Variants in FRMD4B observed in about 807,000 individuals in gnomAD.
The protein encoded by FRMD4B is FERM domain-containing protein 4B.
A neutral mutation model predicts 141.5 loss-of-function variants in FRMD4B; 74 were observed. That is an observed-to-expected ratio of 0.52 (90% confidence interval 0.43 to 0.63). The LOEUF is 0.63. FRMD4B is among the 30% of genes least tolerant of loss of function. FRMD4B has a pLI of 0.00. For synonymous variants in FRMD4B, 506 were observed against 467.9 expected, an observed-to-expected ratio of 1.08 and a Z score of -1.05; for missense variants, 1,366 against 1,253.4, an observed-to-expected ratio of 1.09 and a Z score of -1.36.
At chr3:69,393,329 CAAA>C (rs3032132) in intron 2 of FRMD4B, among the ~76,000 whole-genome samples, 3 of 126,182 alleles carry the variant, frequency 2.4e-5, no homozygotes, top group Admixed American at 8.1e-5. Flanking sequence ...TGAAGAAGTA[CAAA>C]AAAAAAAAAA....
chr3:69,478,507 G>C lies in FRMD4B; in HGVS notation c.-128-45746C>G, dbSNP rs567458656. 2.0e-5 allele frequency among the ~76,000 whole-genome samples: 3 copies of C among 152,294 alleles called. No individual in the cohort carries two copies. In the South Asian group the frequency reaches 6.2e-4, roughly 32 times the overall value. On this transcript the variant is annotated intron_variant, in intron 1 of 5. Transcript: ENST00000459638. ...CAGGTTGTTCAGTTTCCATGTAGTTGAGCGGTTTTGAGTGAGTTTCTTAAT... is the reference window on the plus strand; with the variant it reads ...CAGGTTGTTCAGTTTCCATGTAGTTCAGCGGTTTTGAGTGAGTTTCTTAAT...
At chr3:69,380,495 T>C (rs1228310921) in intron 1 of FRMD4B, among the ~76,000 whole-genome samples, 1 of 152,192 alleles carries the variant, frequency 6.6e-6, no homozygotes, top group African/African-American at 2.4e-5. Context: ...CCAGGAACAG[T>C]GCTAAGTGAT....
chr3:69,348,703 C>A (rs1309860767), intron 1 of FRMD4B, among the ~76,000 whole-genome samples: 1 of 152,166 alleles, frequency 6.6e-6, no homozygotes, highest in Non-Finnish European at 1.5e-5. Flanking sequence ...TAAATGTAAT[C>A]CAGCATATAA....
At chr3:69,472,301 C>CTT in intron 1 of FRMD4B, 2 of 416,558 alleles carry the variant, frequency 4.8e-6, no homozygotes, top group South Asian at 2.0e-5. Context: ...TTCTCTGCAA[C>CTT]TTTTTTTTTC....
intron 1 of FRMD4B, among the ~76,000 whole-genome samples, chr3:69,327,406 G>A (rs1702221464): frequency 6.6e-6 from 1 of 152,170 alleles, no homozygotes; most frequent in Non-Finnish European, 1.5e-5. Context: ...TGGGCTCAAT[G>A]GAAGCCACTC....
intron 1 of FRMD4B, among the ~76,000 whole-genome samples, chr3:69,331,902 A>C (rs1182958978): frequency 3.3e-5 from 5 of 152,162 alleles, no homozygotes; most frequent in Non-Finnish European, 7.3e-5. Flanking sequence ...AGCCTGGCCA[A>C]GATGGTGAAA....
intron 1 of FRMD4B, among the ~76,000 whole-genome samples, chr3:69,340,609 G>A (rs1702707963): frequency 6.6e-6 from 1 of 152,162 alleles, no homozygotes; most frequent in Non-Finnish European, 1.5e-5. Context: ...TCACCACCAT[G>A]GGCAGACGAC....
intron 5 of FRMD4B, among the ~76,000 whole-genome samples, chr3:69,255,161 G>A (rs1485880404): frequency 6.6e-6 from 1 of 152,114 alleles, no homozygotes; most frequent in African/African-American, 2.4e-5. Context: ...GGTCATATAT[G>A]GGATGTCCTT....
chr3:69,341,506 G>A (rs1702737587), intron 1 of FRMD4B, among the ~76,000 whole-genome samples: 1 of 152,186 alleles, frequency 6.6e-6, no homozygotes, highest in Non-Finnish European at 1.5e-5. Context: ...GAGGTGGCAA[G>A]GCTTGCTCTT....
rs146463651 is a variant in FRMD4B, at chr3:69,337,704, G to T, written c.163-24187C>A. On this transcript the variant is annotated intron_variant, in intron 1 of 22. Coordinates refer to ENST00000398540, the MANE Select transcript of FRMD4B (RefSeq NM_015123.3). ...TTATGCAGCCAAAAGACCCATGAAAGAATGCTCATCATCACTGGACATCAG... is the reference window on the plus strand; with the variant it reads ...TTATGCAGCCAAAAGACCCATGAAATAATGCTCATCATCACTGGACATCAG... Among the ~76,000 whole-genome samples the T allele has an allele frequency of 7.7e-3, 1,176 of 152,294 alleles. 18 individuals are homozygous for T. The highest frequency in any genetic ancestry group is 0.027 in the African/African-American group (1,108 of 41,578).
At chr3:69,370,309 A>G (rs1026886989) in intron 1 of FRMD4B, among the ~76,000 whole-genome samples, 1 of 152,168 alleles carries the variant, frequency 6.6e-6, no homozygotes, top group African/African-American at 2.4e-5. Flanking sequence ...CCAGAGCCCA[A>G]CCACAGGGCC....
At chr3:69,537,938 T>C (rs1199093316) in intron 1 of FRMD4B, among the ~76,000 whole-genome samples, 2 of 152,254 alleles carry the variant, frequency 1.3e-5, no homozygotes, top group African/African-American at 4.8e-5. Flanking sequence ...TCTGTCTACA[T>C]GGTCTGGGTA....
Position 69,520,107 on chromosome 3 carries a change from CTA to C in FRMD4B, c.-129+22097_-129+22098del, listed in dbSNP as rs1288055922. ...ATGGAATATATATATATAAAATGGA[CTA>C]TATATATATGATGGAATATATATAT... is the stretch of plus-strand genomic sequence containing the variant. On this transcript the variant is annotated intron_variant, in intron 1 of 5. Transcript: ENST00000459638. Among the ~76,000 whole-genome samples the C allele has an allele frequency of 9.9e-4, 88 of 88,660 alleles. 7 individuals carry two copies. Among genetic ancestry groups the C allele is most frequent in the African/African-American group, 4.0e-3 (77 of 19,058 alleles). 58.2% of individuals were successfully genotyped at this position (88,660 alleles called of 152,430 possible). A position where few individuals can be genotyped will look rare whatever the true frequency, so the allele number is the denominator to read the frequency against.
chr3:69,420,506 G>A (rs1704956696), intron 2 of FRMD4B, among the ~76,000 whole-genome samples: 2 of 152,056 alleles, frequency 1.3e-5, no homozygotes, highest in South Asian at 4.1e-4. Flanking sequence ...GGCAGAACAA[G>A]GACTCAAATT....
rs186077496 is a variant in FRMD4B, at chr3:69,414,827, T to C, written c.-1+17807A>G. 2.1e-3 allele frequency among the ~76,000 whole-genome samples: 322 copies of C among 152,084 alleles called. 2 individuals are homozygous for C. The highest frequency in any genetic ancestry group is 7.3e-3 in the African/African-American group (304 of 41,484). Reference sequence around the variant, plus strand: ...AGGAACTCTCTAACCTTGGCTTCTATTGTACTTATGTTGAGACTCACAGCG... The same window carrying C: ...AGGAACTCTCTAACCTTGGCTTCTACTGTACTTATGTTGAGACTCACAGCG... On this transcript the variant is annotated intron_variant, in intron 2 of 5. Coordinates refer to the FRMD4B transcript ENST00000459638.
intron 1 of FRMD4B, among the ~76,000 whole-genome samples, chr3:69,377,506 G>C (rs1383678709): frequency 6.6e-6 from 1 of 152,192 alleles, no homozygotes. Flanking sequence ...ACCCGTAGAA[G>C]GTGCTTGATG....
At chr3:69,215,190 T>G (rs138979413) in intron 11 of FRMD4B, among the ~76,000 whole-genome samples, 240 of 151,356 alleles carry the variant, frequency 1.6e-3, no homozygotes, top group African/African-American at 5.7e-3. Flanking sequence ...AATAATGAAT[T>G]TTTTTAAAAA....
intron 1 of FRMD4B, among the ~76,000 whole-genome samples, chr3:69,498,201 A>G (rs1350210133): frequency 1.3e-5 from 2 of 152,226 alleles, no homozygotes; most frequent in African/African-American, 4.8e-5. Context: ...ACTGAGGAGG[A>G]CACCAGAATC....
chr3:69,283,334 A>T (rs1243162696), intron 5 of FRMD4B, among the ~76,000 whole-genome samples: 1 of 151,518 alleles, frequency 6.6e-6, no homozygotes, highest in Non-Finnish European at 1.5e-5. Flanking sequence ...CAGTGAGCTG[A>T]GATTGCACCA....
Sources: gnomAD v4.1 joint callset for allele counts (sites outside exome capture counted in the v4.1 genomes callset) on GRCh38, gnomAD v4.1.1 for gene constraint, MANE v1.5 for transcripts, NCBI Gene and HGNC (gene_info 2026-07-23, HGNC 2026-07-21) for gene names.